Variants in TNFRSF10B observed in about 807,000 individuals in gnomAD.
TNFRSF10B encodes the protein tumor necrosis factor receptor superfamily member 10B.
TNFRSF10B carries 35 observed loss-of-function variants against 41.4 expected under a neutral mutation model. That is an observed-to-expected ratio of 0.85 (90% CI 0.65 to 1.12). The LOEUF (loss-of-function observed/expected upper bound fraction) is 1.12. Among genes scored for constraint, TNFRSF10B ranks in the 50% most tolerant of loss-of-function variants. The pLI is 0.00. For synonymous variants in TNFRSF10B, 230 were observed against 215.5 expected (o/e 1.07, Z -0.59); for missense variants, 584 against 552.7 (o/e 1.06, Z -0.57).
In TNFRSF10B at chr8:23,043,199, G is replaced by A. The variant is rs751127580; in HGVS notation, c.189C>T (p.Pro63=). Residue 63 remains proline (P), a synonymous_variant, in exon 2 of 9, where the codon CCC becomes CCT. Transcript: ENST00000276431. The part of the protein sequence containing the change: ...SALITQQDLA[P]QQRAAPQQKR... Reference sequence around the variant, plus strand: ...TTTGTTGTGGGGCCGCTCTCTGCTGGGGAGCTAGGTCTTGTTGGGTGATCA... The same window carrying A: ...TTTGTTGTGGGGCCGCTCTCTGCTGAGGAGCTAGGTCTTGTTGGGTGATCA... 3 of 1,614,086 alleles carry A rather than the reference G, an allele frequency of 1.9e-6. No homozygotes were observed. The highest frequency in any genetic ancestry group is 8.5e-7 in the Non-Finnish European group (1 of 1,180,022).
At position 23,021,287 on chromosome 8, in the gene TNFRSF10B, G is replaced by A. The variant is rs1811511734; in HGVS notation, c.*1384C>T. 1 of 454,028 alleles carries A rather than the reference G, an allele frequency of 2.2e-6. No individual in the cohort carries two copies. The allele number at this position is 454,028 out of a possible 1,614,324, so 28.1% of individuals were successfully genotyped here. The stretch of plus-strand genomic sequence containing the variant: ...GTTTAAGAATTGACATTTCTGAGAT[G>A]AGTCAGATGCTTACAGAGCGGCCAA... On this transcript the variant is annotated 3_prime_UTR_variant, in exon 9 of 9. Transcript: ENST00000276431.
At chr8:23,034,084 T>A (rs1811962303) in intron 2 of TNFRSF10B, among the ~76,000 whole-genome samples, 2 of 152,184 alleles carry the variant, frequency 1.3e-5, no homozygotes, top group South Asian at 4.1e-4. Context: ...CAGAAAACAA[T>A]AATTACAAAT....
intron 1 of TNFRSF10B, among the ~76,000 whole-genome samples, chr8:23,052,163 G>C (rs13281512): frequency 0.22 from 32,886 of 151,848 alleles, 3,836 homozygotes; most frequent in Non-Finnish European, 0.25. Context: ...AAGTAAACTT[G>C]TCATAATTTA....
intron 1 of TNFRSF10B, among the ~76,000 whole-genome samples, chr8:23,052,489 T>C (rs993857647): frequency 2.6e-5 from 4 of 151,828 alleles, no homozygotes; most frequent in African/African-American, 7.3e-5. Context: ...GGTTTCACCG[T>C]GTCAGCCAGG....
At chr8:23,058,411 A>AT (rs1431389619) in intron 1 of TNFRSF10B, among the ~76,000 whole-genome samples, 4 of 151,300 alleles carry the variant, frequency 2.6e-5, no homozygotes, top group Non-Finnish European at 4.4e-5. Flanking sequence ...TGTCCATTCT[A>AT]TTTTTTACCT....
intron 1 of TNFRSF10B, among the ~76,000 whole-genome samples, chr8:23,060,495 C>G (rs950063467): frequency 1.3e-5 from 2 of 152,108 alleles, no homozygotes; most frequent in Admixed American, 1.3e-4. Flanking sequence ...TTCCACTGAT[C>G]GATTTATCTG....
chr8:23,023,314 C>T (rs1031282713), intron 8 of TNFRSF10B, among the ~76,000 whole-genome samples: 1 of 152,184 alleles, frequency 6.6e-6, no homozygotes, highest in Non-Finnish European at 1.5e-5. Flanking sequence ...ACAGTGGCTG[C>T]AGCGGGAGCT....
At chr8:23,023,884 G>C (rs1001741740) in intron 8 of TNFRSF10B, among the ~76,000 whole-genome samples, 5 of 152,164 alleles carry the variant, frequency 3.3e-5, no homozygotes, top group Admixed American at 6.5e-5. Context: ...GTGCAGGACA[G>C]GCCAGCCCCT....
intron 2 of TNFRSF10B, among the ~76,000 whole-genome samples, chr8:23,042,525 G>C (rs1812232553): frequency 6.6e-6 from 1 of 152,088 alleles, no homozygotes; most frequent in Non-Finnish European, 1.5e-5. Flanking sequence ...TAACATCCCA[G>C]GGGAGCGCCT....
At chr8:23,033,151 A>T (rs181958502) in intron 2 of TNFRSF10B, among the ~76,000 whole-genome samples, 3 of 152,364 alleles carry the variant, frequency 2.0e-5, no homozygotes, top group African/African-American at 7.2e-5. Flanking sequence ...AAGAATGAAG[A>T]AGAAATTAAG....
Position 23,050,863 on chromosome 8 carries a change from C to A in TNFRSF10B, c.145-7620G>T, listed in dbSNP as rs142520629. Among the ~76,000 whole-genome samples, 1,251 of 152,274 alleles carry A rather than the reference C, an allele frequency of 8.2e-3. 22 individuals are homozygous for A. The highest frequency in any genetic ancestry group is 0.029 in the African/African-American group (1,206 of 41,546). ...CCGAGGCGGGCTGATCACTTGAAGT[C>A]AGGAGTTCGAGACCAGCCTGGCCAA... On this transcript the variant is annotated intron_variant, in intron 1 of 8. Coordinates refer to ENST00000276431, the MANE Select transcript of TNFRSF10B (RefSeq NM_003842.5).
Position 23,028,415 on chromosome 8 carries a change from C to G in TNFRSF10B, c.664G>C (p.Ala222Pro), listed in dbSNP as rs1811775750. Residue 222 changes from alanine to proline, a missense_variant, in exon 5 of 9, where the codon GCC becomes CCC. Ala to Pro is a conservative substitution (Grantham distance 27). Transcript: ENST00000276431. The part of the protein sequence containing the change: ...SGIIIGVTVA[A>P]VVLIVAVFVC... ...AACACAGCCACAATCAAGACTACGGCTGCAACTGTGACTCCTATGATGATG... is the reference window on the plus strand; with the variant it reads ...AACACAGCCACAATCAAGACTACGGGTGCAACTGTGACTCCTATGATGATG... 2 of 1,614,056 alleles carry G rather than the reference C, an allele frequency of 1.2e-6. No homozygotes were observed. The highest frequency in any genetic ancestry group is 3.3e-5 in the Admixed American group (2 of 60,012).
chr8:23,043,079 G>A, intron 2 of TNFRSF10B, 59 bp downstream of exon 2: 1 of 1,496,698 alleles, frequency 6.7e-7, no homozygotes, highest in Non-Finnish European at 9.3e-7. Context: ...GAAACAGACT[G>A]GAAGCTCATG....
chr8:23,022,665 T>C lies in TNFRSF10B; in HGVS notation c.*6A>G. 1.2e-6 allele frequency: 2 copies of C among 1,613,966 alleles called. No individual in the cohort carries two copies. Among genetic ancestry groups the C allele is most frequent in the East Asian group, 2.2e-5 (1 of 44,856 alleles). On this transcript the variant is annotated 3_prime_UTR_variant, in exon 9 of 9. Coordinates refer to ENST00000276431, the MANE Select transcript of TNFRSF10B (RefSeq NM_003842.5). Reference sequence around the variant, plus strand: ...GGAAGGTCTGACTTCCTGAAGAGAATCACACTTAGGACATGGCAGAGTCTG... The same window carrying C: ...GGAAGGTCTGACTTCCTGAAGAGAACCACACTTAGGACATGGCAGAGTCTG...
At chr8:23,068,385 G>A (rs1357414195) in intron 1 of TNFRSF10B, 1 of 323,664 alleles carries the variant, frequency 3.1e-6, no homozygotes, top group Non-Finnish European at 5.8e-6. Flanking sequence ...GGGAGGGAAA[G>A]AAAGGAAGAA....
chr8:23,026,670 G>C (rs1239724047), intron 7 of TNFRSF10B, among the ~76,000 whole-genome samples: 2 of 152,218 alleles, frequency 1.3e-5, no homozygotes, highest in East Asian at 3.8e-4. Context: ...CTGATTGTGT[G>C]CGTGTGTCCA....
intron 5 of TNFRSF10B, 120 bp downstream of exon 5, chr8:23,028,211 T>C (rs895621594): frequency 1.4e-6 from 2 of 1,399,858 alleles, no homozygotes; most frequent in East Asian, 2.3e-5. Context: ...AGGAGGAGGA[T>C]AGAGCCAGGC....
At chr8:23,036,527 C>G in intron 2 of TNFRSF10B, among the ~76,000 whole-genome samples, 1 of 152,276 alleles carries the variant, frequency 6.6e-6, no homozygotes, top group Admixed American at 6.5e-5. Flanking sequence ...CTGTCTGGGA[C>G]GTCCCTGAAG....
At chr8:23,065,612 T>C (rs1563326813) in intron 1 of TNFRSF10B, among the ~76,000 whole-genome samples, 1 of 152,120 alleles carries the variant, frequency 6.6e-6, no homozygotes, top group Non-Finnish European at 1.5e-5. Flanking sequence ...CACTATAACT[T>C]TAGTAGTTAA....
Sources: allele counts gnomAD v4.1 joint callset (sites outside exome capture counted in the v4.1 genomes callset), GRCh38; gene constraint gnomAD v4.1.1; transcripts MANE v1.5; gene names NCBI Gene and HGNC (gene_info 2026-07-23, HGNC 2026-07-21).